Variants in NAA25 observed in about 807,000 individuals in gnomAD.
NAA25 encodes the protein N-terminal acetyltransferase B complex subunit NAA25.
NAA25 carries 30 observed loss-of-function variants against 132.5 expected under a neutral mutation model. The observed-to-expected ratio is 0.23, with a 90% CI of 0.17 to 0.31. NAA25 has a LOEUF of 0.31. Ranked by LOEUF, NAA25 falls within the 10% of genes least tolerant of loss-of-function variation. The pLI, the probability that NAA25 is intolerant of heterozygous loss-of-function variation, is 1.00. For missense variants in NAA25, 771 were observed against 1,150.4 expected, an observed-to-expected ratio of 0.67 and a Z score of 4.77; for synonymous variants, 359 against 401.9, an observed-to-expected ratio of 0.89 and a Z score of 1.28.
At chr12:112,103,925 G>A (rs952511601) in intron 1 of NAA25, among the ~76,000 whole-genome samples, 5 of 152,094 alleles carry the variant, frequency 3.3e-5, no homozygotes, top group East Asian at 1.9e-4. Flanking sequence ...GACAGGAGGC[G>A]GGGCTCAGGC....
At chr12:112,034,637 C>T (rs968325321) in intron 22 of NAA25, 1 of 147,060 alleles carries the variant, frequency 6.8e-6, no homozygotes, top group Non-Finnish European at 1.5e-5. Flanking sequence ...AAAACAACAA[C>T]AACAACAACA....
chr12:112,067,850 C>T (rs1480709062), intron 11 of NAA25, among the ~76,000 whole-genome samples: 1 of 152,132 alleles, frequency 6.6e-6, no homozygotes, highest in Non-Finnish European at 1.5e-5. Flanking sequence ...ATTCTCCTGC[C>T]TCAGCCTCCC....
At chr12:112,053,412 C>G in intron 15 of NAA25, 146 bp downstream of exon 15, 1 of 615,682 alleles carries the variant, frequency 1.6e-6, no homozygotes, top group East Asian at 2.8e-5. Context: ...CCCTACCAGC[C>G]TTGGACAGTA....
At chr12:112,058,991 G>A (rs957056990) in intron 13 of NAA25, among the ~76,000 whole-genome samples, 21 of 147,474 alleles carry the variant, frequency 1.4e-4, no homozygotes, top group African/African-American at 4.9e-4. Context: ...GGAGAATGGC[G>A]TGAACCTGGG....
intron 13 of NAA25, among the ~76,000 whole-genome samples, chr12:112,058,944 G>A (rs2078584640): frequency 6.6e-6 from 1 of 151,600 alleles, no homozygotes; most frequent in Admixed American, 6.6e-5. Context: ...TGTAGTCCCA[G>A]CTACTCGTAG....
chr12:112,037,290 A>ATATG (rs1391354828), intron 22 of NAA25, among the ~76,000 whole-genome samples: 1 of 92,504 alleles, frequency 1.1e-5, no homozygotes, highest in Non-Finnish European at 2.2e-5. Flanking sequence ...ATATATATAT[A>ATATG]TATATATATA....
intron 3 of NAA25, 104 bp from the exon 4 acceptor site, chr12:112,087,905 A>G: frequency 1.4e-6 from 1 of 723,040 alleles, no homozygotes; most frequent in Non-Finnish European, 2.4e-6. Context: ...ATCATTATAG[A>G]AGAAGTATCT....
chr12:112,043,034 C>T lies in NAA25; in HGVS notation c.2374+54G>A, dbSNP rs945048237. On this transcript the variant is annotated intron_variant, in intron 19 of 23. Coordinates refer to ENST00000261745, the MANE Select transcript of NAA25 (RefSeq NM_024953.4). ...ATGTGAGGTTATAGACATTTTATTA[C>T]GTGTACTACATTTTCTATGACAAAG... 54 of 1,487,726 alleles carry T rather than the reference C, an allele frequency of 3.6e-5. No individual in the cohort carries two copies. In the African/African-American group the frequency reaches 4.9e-4, roughly 14 times the overall value. The allele number at this position is 1,487,726 out of a possible 1,614,324, so 92.2% of individuals were successfully genotyped here.
chr12:112,057,831 A>C (rs996674573), intron 13 of NAA25, among the ~76,000 whole-genome samples: 3 of 152,232 alleles, frequency 2.0e-5, no homozygotes, highest in Admixed American at 1.3e-4. Flanking sequence ...AATACAAAAA[A>C]TTAGCCAGGT....
intron 6 of NAA25, 107 bp from the exon 7 acceptor site, chr12:112,078,373 G>A (rs1174420741): frequency 6.1e-6 from 5 of 823,062 alleles, no homozygotes; most frequent in East Asian, 2.6e-5. Context: ...GTCTTCAAAT[G>A]AGATGAAACT....
intron 1 of NAA25, among the ~76,000 whole-genome samples, chr12:112,101,564 C>T (rs746987187): frequency 2.0e-5 from 3 of 152,082 alleles, no homozygotes; most frequent in Non-Finnish European, 2.9e-5. Flanking sequence ...CAAGACCTGC[C>T]TGACCAACAT....
chr12:112,082,162 C>G (rs758178135), intron 4 of NAA25, among the ~76,000 whole-genome samples: 4 of 152,048 alleles, frequency 2.6e-5, no homozygotes, highest in Non-Finnish European at 5.9e-5. Context: ...AAGACAGAAT[C>G]GCTTGAACCC....
chr12:112,071,838 ATAGCACTTG>A, intron 10 of NAA25, 48 bp downstream of exon 10: 2 of 1,255,054 alleles, frequency 1.6e-6, no homozygotes, highest in Admixed American at 2.7e-5. Flanking sequence ...ACTAATGAAT[ATAGCACTTG>A]GGTATTAAGG....
chr12:112,096,065 T>C (rs1292468523), intron 1 of NAA25, among the ~76,000 whole-genome samples: 1 of 152,166 alleles, frequency 6.6e-6, no homozygotes, highest in Non-Finnish European at 1.5e-5. Context: ...ACCATGGGGA[T>C]GGGGAGAGGG....
At chr12:112,063,738 A>C (rs1438399235) in intron 11 of NAA25, among the ~76,000 whole-genome samples, 9 of 152,242 alleles carry the variant, frequency 5.9e-5, no homozygotes, top group African/African-American at 2.2e-4. Context: ...CTATAACTAT[A>C]AAAATAAATT....
intron 13 of NAA25, among the ~76,000 whole-genome samples, chr12:112,059,639 C>T (rs1425313226): frequency 6.6e-6 from 1 of 152,076 alleles, no homozygotes; most frequent in Non-Finnish European, 1.5e-5. Context: ...ATATTCTGTT[C>T]CATAGGCCTG....
intron 4 of NAA25, among the ~76,000 whole-genome samples, chr12:112,085,542 C>T (rs1301319351): frequency 1.3e-5 from 2 of 151,958 alleles, no homozygotes; most frequent in Non-Finnish European, 2.9e-5. Flanking sequence ...TATAAAGACA[C>T]CCAGTATTAT....
intron 1 of NAA25, among the ~76,000 whole-genome samples, chr12:112,105,374 C>A (rs984194371): frequency 1.3e-5 from 2 of 152,130 alleles, no homozygotes; most frequent in African/African-American, 4.8e-5. Context: ...CTGCTGGGAA[C>A]TACGTAGCAA....
rs2078332808 is a variant in NAA25 at position 112,043,637 on chromosome 12, C to T, written c.2238G>A (p.Glu746=). The part of the protein sequence containing the change: ...ATLETGKRFI[E]KDIQYPFLGP... ...GTATTGATGGTACCTGAATATCCTT[C>T]TCAATAAATCGCTTTCCTGTCTCCA... Residue 746 remains glutamate, a synonymous_variant, in exon 18 of 24, where the codon GAG becomes GAA. Transcript: ENST00000261745. The T allele has an allele frequency of 6.2e-7, 1 of 1,614,122 alleles. No individual in the cohort carries two copies. The highest frequency in any genetic ancestry group is 8.5e-7 in the Non-Finnish European group (1 of 1,179,996).
Sources: gnomAD v4.1 joint callset for allele counts (sites outside exome capture counted in the v4.1 genomes callset) on GRCh38, gnomAD v4.1.1 for gene constraint, MANE v1.5 for transcripts, NCBI Gene and HGNC (gene_info 2026-07-23, HGNC 2026-07-21) for gene names.